Variants in SLC5A8 observed in about 807,000 individuals in gnomAD.
The protein encoded by SLC5A8 is sodium-coupled monocarboxylate transporter 1.
SLC5A8 carries 55 observed loss-of-function variants against 71.9 expected under a neutral mutation model. The ratio of observed to expected loss-of-function variants is 0.77; its 90% confidence interval spans 0.62 to 0.96. The LOEUF is 0.96. Among genes scored for constraint, SLC5A8 ranks in the 40% least tolerant of loss-of-function variants. The pLI is 0.00. For missense variants in SLC5A8, 701 were observed against 745.3 expected (o/e 0.94, Z 0.69); for synonymous variants, 307 against 276.1 (o/e 1.11, Z -1.11).
chr12:101,196,909 G>C (rs1180654519), intron 3 of SLC5A8, among the ~76,000 whole-genome samples: 3 of 152,154 alleles, frequency 2.0e-5, no homozygotes, highest in Non-Finnish European at 4.4e-5. Context: ...TGGGGACTGA[G>C]GTATTGGTAT....
rs372017110 is a variant in SLC5A8 at position 101,166,696 on chromosome 12, C to T, written c.1324G>A (p.Ala442Thr). 3 of 1,596,604 alleles carry T rather than the reference C, an allele frequency of 1.9e-6. No homozygotes were observed. Among genetic ancestry groups the T allele is most frequent in the Non-Finnish European group, 2.6e-6 (3 of 1,172,838 alleles). The change falls in exon 12 of 15, where the codon GCA (alanine) becomes ACA (threonine). Residue 442 changes from alanine to threonine, a missense_variant. Physicochemically the swap from Ala to Thr is moderately conservative, Grantham distance 58. Transcript: ENST00000536262. ...ILVPFANSIG[A>T]LVGLMAGFAI... Reference sequence around the variant, plus strand: ...AATCCAGCCATCAGACCAACAAGTGCTCCCTGTAAAACAAGAATGCCTTTA... The same window carrying T: ...AATCCAGCCATCAGACCAACAAGTGTTCCCTGTAAAACAAGAATGCCTTTA...
intron 10 of SLC5A8, among the ~76,000 whole-genome samples, chr12:101,170,380 T>C (rs2051817560): frequency 6.6e-6 from 1 of 151,916 alleles, no homozygotes. Context: ...ATCCTGACAT[T>C]CCATATAAAA....
intron 2 of SLC5A8, 54 bp downstream of exon 2, chr12:101,204,446 A>G: frequency 1.4e-6 from 2 of 1,455,106 alleles, no homozygotes; most frequent in Non-Finnish European, 9.5e-7. Context: ...TCCAGATGCC[A>G]TGGTTAAAAA....
intron 3 of SLC5A8, among the ~76,000 whole-genome samples, chr12:101,198,311 T>G (rs376224470): frequency 1.3e-5 from 2 of 151,842 alleles, no homozygotes; most frequent in African/African-American, 2.4e-5. Flanking sequence ...TAGCACAAAT[T>G]AATGAAATAG....
intron 13 of SLC5A8, among the ~76,000 whole-genome samples, chr12:101,159,239 A>G (rs1202648705): frequency 6.6e-6 from 1 of 152,164 alleles, no homozygotes; most frequent in African/African-American, 2.4e-5. Flanking sequence ...ACTTTTAATT[A>G]TGGGAACCTC....
chr12:101,164,189 A>G (rs1220835849), intron 12 of SLC5A8, among the ~76,000 whole-genome samples: 1 of 152,234 alleles, frequency 6.6e-6, no homozygotes, highest in Non-Finnish European at 1.5e-5. Context: ...AACCCATAGA[A>G]TGGGAGAGAA....
intron 14 of SLC5A8, 115 bp downstream of exon 14, chr12:101,158,134 G>T (rs2051684565): frequency 2.7e-6 from 2 of 753,084 alleles, no homozygotes; most frequent in Non-Finnish European, 4.6e-6. Context: ...GATTATATAG[G>T]GTCTATACCT....
At position 101,162,018 on chromosome 12, in the gene SLC5A8, G is replaced by T. The variant is rs569650062; in HGVS notation, c.1586C>A (p.Thr529Asn). The T allele has an allele frequency of 6.8e-6, 11 of 1,613,554 alleles. No individual in the cohort carries two copies. The African/African-American group carries it at 1.3e-4, about 20-fold the overall frequency. ...LSYLYFSTVGTLVTLLVGILV... is the reference protein window; with the variant it reads ...LSYLYFSTVGNLVTLLVGILV... ...TATCCCCACTAATAATGTTACCAAAGTTCCAACAGTGCTGAAGTACAGATA... is the reference window on the plus strand; with the variant it reads ...TATCCCCACTAATAATGTTACCAAATTTCCAACAGTGCTGAAGTACAGATA... The change falls in exon 13 of 15, where the codon ACT (threonine) becomes AAT (asparagine). Residue 529 changes from threonine to asparagine, a missense_variant. Thr to Asn is a moderately conservative substitution (Grantham distance 65). Transcript: ENST00000536262.
chr12:101,192,179 G>C (rs1421729480), intron 5 of SLC5A8, among the ~76,000 whole-genome samples: 1 of 152,148 alleles, frequency 6.6e-6, no homozygotes, highest in Non-Finnish European at 1.5e-5. Context: ...TTCTGCCCTG[G>C]CCAAGGGGTG....
chr12:101,198,341 A>G (rs1284910874), intron 3 of SLC5A8, among the ~76,000 whole-genome samples: 6 of 151,964 alleles, frequency 3.9e-5, no homozygotes, highest in African/African-American at 1.2e-4. Flanking sequence ...AAAATCAATG[A>G]GCCAAAACAC....
Position 101,195,115 on chromosome 12 carries a change from A to C in SLC5A8, c.517T>G (p.Cys173Gly), listed in dbSNP as rs954123457. 1 of 1,614,176 alleles carries C rather than the reference A, an allele frequency of 6.2e-7. No individual in the cohort carries two copies. Among genetic ancestry groups the C allele is most frequent in the Admixed American group, 1.7e-5 (1 of 60,024 alleles). The change falls in exon 4 of 15, where the codon TGC becomes GGC. Residue 173 changes from cysteine to glycine, a missense_variant. Transcript: ENST00000536262. ...WGAVVATGVV[C>G]TFYCTLGGLK... is the part of the protein sequence containing the mutation. ...CGTACCAGTGTGCAGTAGAATGTGC[A>C]GACCACCCCCGTTGCCACTACCGCG...
chr12:101,193,603 T>C (rs1300302991), intron 5 of SLC5A8, 22 bp downstream of exon 5: 1 of 1,594,842 alleles, frequency 6.3e-7, no homozygotes, highest in Admixed American at 1.8e-5. Context: ...TGTGTTCAGT[T>C]ACCCAAGTAC....
Position 101,193,073 on chromosome 12 carries a change from G to A in SLC5A8, c.692+552C>T, listed in dbSNP as rs373533795. Among the ~76,000 whole-genome samples the A allele has an allele frequency of 1.1e-4, 17 of 150,704 alleles. No homozygotes were observed. In the East Asian group the frequency reaches 3.1e-3, roughly 28 times the overall value. ...TGCAACCTCTGCCTCCTGGGTTCAA[G>A]CAATTATCCTGCCTCAGCTTCCCAA... On this transcript the variant is annotated intron_variant, in intron 5 of 14. Transcript: ENST00000536262.
Position 101,157,277 on chromosome 12 carries a change from C to T in SLC5A8, c.*2G>A, listed in dbSNP as rs966804044. On this transcript the variant is annotated 3_prime_UTR_variant, in exon 15 of 15. Coordinates refer to ENST00000536262, the MANE Select transcript of SLC5A8 (RefSeq NM_145913.5). ...TTAAGGATATCTAGTATCAGAGCAG[C>T]TTCACAAACGAGTCCCATTGCTCTT... The T allele has an allele frequency of 6.2e-7, 1 of 1,611,668 alleles. No individual in the cohort carries two copies. Among genetic ancestry groups the T allele is most frequent in the African/African-American group, 1.3e-5 (1 of 74,896 alleles).
chr12:101,203,145 C>T (rs1214919609), intron 2 of SLC5A8, among the ~76,000 whole-genome samples: 1 of 152,202 alleles, frequency 6.6e-6, no homozygotes, highest in Non-Finnish European at 1.5e-5. Flanking sequence ...TAACAAAGAT[C>T]CAATGAGGTT....
chr12:101,191,597 C>T (rs1103339), intron 5 of SLC5A8, among the ~76,000 whole-genome samples: 74,961 of 151,930 alleles, frequency 0.49, 20,046 homozygotes, highest in African/African-American at 0.7. Flanking sequence ...CCAAAAGGAG[C>T]CAGTAAGCTA....
chr12:101,164,155 G>T (rs1252641362), intron 12 of SLC5A8, among the ~76,000 whole-genome samples: 1 of 152,078 alleles, frequency 6.6e-6, no homozygotes, highest in Non-Finnish European at 1.5e-5. Context: ...GACAAAAAAA[G>T]TATCATTAAA....
intron 14 of SLC5A8, among the ~76,000 whole-genome samples, 157 bp downstream of exon 14, chr12:101,158,092 A>C (rs1310982243): frequency 6.6e-6 from 1 of 152,196 alleles, no homozygotes; most frequent in Non-Finnish European, 1.5e-5. Flanking sequence ...TCATCATAGG[A>C]TAGAGAGCTA....
At chr12:101,186,454 T>C (rs891314600) in intron 7 of SLC5A8, among the ~76,000 whole-genome samples, 1 of 152,330 alleles carries the variant, frequency 6.6e-6, no homozygotes, top group African/African-American at 2.4e-5. Flanking sequence ...TAGGAACTTG[T>C]TCCGCAAGTG....
Sources: allele counts gnomAD v4.1 joint callset (sites outside exome capture counted in the v4.1 genomes callset), GRCh38; gene constraint gnomAD v4.1.1; transcripts MANE v1.5; gene names NCBI Gene and HGNC (gene_info 2026-07-23, HGNC 2026-07-21).